SLCO3A1: variants seen among roughly 807,000 people sequenced by gnomAD.
The protein encoded by SLCO3A1 is solute carrier organic anion transporter family member 3A1, also known as PGE1 transporter.
In SLCO3A1, 27 loss-of-function variants were observed where a neutral mutation model predicts 63.1. The ratio of observed to expected loss-of-function variants is 0.43; its 90% CI spans 0.32 to 0.59. SLCO3A1 has a LOEUF of 0.59. Among genes scored for constraint, SLCO3A1 ranks in the 20% least tolerant of loss-of-function variants. The pLI, the probability that SLCO3A1 is intolerant of heterozygous loss-of-function variation, is 0.09. For synonymous variants in SLCO3A1, 473 were observed against 409.9 expected, an observed-to-expected ratio of 1.15 and a Z score of -1.86; for missense variants, 773 against 945.8, an observed-to-expected ratio of 0.82 and a Z score of 2.40.
intron 7 of SLCO3A1, among the ~76,000 whole-genome samples, chr15:92,130,701 C>T (rs925031849): frequency 3.9e-5 from 6 of 152,172 alleles, no homozygotes; most frequent in Non-Finnish European, 7.4e-5. Context: ...TGACCCATGG[C>T]AGCTTGGCCC....
chr15:91,960,729 C>T lies in SLCO3A1; in HGVS notation c.646+44271C>T, dbSNP rs74995085. 3.3e-5 allele frequency among the ~76,000 whole-genome samples: 5 copies of T among 152,276 alleles called. No individual in the cohort carries two copies. In the East Asian group the frequency reaches 9.7e-4, roughly 29 times the overall value. ...CTTCTTTGCTCATCCTACAGGTTGT[C>T]TCTTATCCAAAATGCTTGGGATGAG... On this transcript the variant is annotated intron_variant, in intron 2 of 9. Transcript: ENST00000318445.
chr15:91,974,302 C>T (rs1320119054), intron 2 of SLCO3A1, among the ~76,000 whole-genome samples: 1 of 82,418 alleles, frequency 1.2e-5, no homozygotes, highest in African/African-American at 5.1e-5. Context: ...ATTATTATTT[C>T]TCTAAGCCTT....
chr15:92,045,279 CAAA>C (rs11400205), intron 2 of SLCO3A1, among the ~76,000 whole-genome samples: 6 of 129,516 alleles, frequency 4.6e-5, no homozygotes, highest in Non-Finnish European at 3.2e-5. Context: ...GACTCCATCT[CAAA>C]AAAAAAAAAA....
intron 7 of SLCO3A1, among the ~76,000 whole-genome samples, chr15:92,144,685 G>A (rs1385485280): frequency 6.6e-6 from 1 of 152,252 alleles, no homozygotes; most frequent in Non-Finnish European, 1.5e-5. Context: ...TGCCTTCTGA[G>A]TCTCTCCCAG....
intron 2 of SLCO3A1, among the ~76,000 whole-genome samples, chr15:91,951,110 T>C (rs1176609180): frequency 3.3e-5 from 5 of 152,178 alleles, no homozygotes; most frequent in African/African-American, 1.2e-4. Flanking sequence ...CCCTTTTAAA[T>C]TGTAAAGTCC....
chr15:92,097,109 C>T (rs1201255402), intron 3 of SLCO3A1, among the ~76,000 whole-genome samples: 2 of 152,158 alleles, frequency 1.3e-5, no homozygotes, highest in African/African-American at 4.8e-5. Context: ...GGCCAGATAG[C>T]ATATTTTGCC....
chr15:92,066,238 A>C (rs369276855), intron 2 of SLCO3A1, among the ~76,000 whole-genome samples: 33 of 152,220 alleles, frequency 2.2e-4, no homozygotes, highest in African/African-American at 8.0e-4. Flanking sequence ...TAGAGAGGCC[A>C]AGCACTCATA....
downstream of SLCO3A1, among the ~76,000 whole-genome samples, chr15:92,167,308 C>CT (rs1367614152): frequency 6.6e-6 from 1 of 152,176 alleles, no homozygotes; most frequent in African/African-American, 2.4e-5. Context: ...GATTGACCTC[C>CT]TCTCAACCAT....
chr15:92,016,179 T>C (rs914618950), intron 2 of SLCO3A1, among the ~76,000 whole-genome samples: 2 of 140,232 alleles, frequency 1.4e-5, no homozygotes, highest in Non-Finnish European at 3.2e-5. Flanking sequence ...GTCTTGATGT[T>C]GCAGATTTGT....
intron 9 of SLCO3A1, among the ~76,000 whole-genome samples, chr15:92,153,134 C>G (rs1317409107): frequency 6.6e-6 from 1 of 152,088 alleles, no homozygotes; most frequent in Non-Finnish European, 1.5e-5. Context: ...CCAGGTATTA[C>G]CTAGAATAGT....
At chr15:91,995,699 GA>G in intron 2 of SLCO3A1, among the ~76,000 whole-genome samples, 1 of 96,080 alleles carries the variant, frequency 1.0e-5, no homozygotes, top group East Asian at 3.2e-4. Flanking sequence ...GACCCTGGAG[GA>G]AAAAAGTTAT....
At chr15:91,974,440 A>G (rs1265812005) in intron 2 of SLCO3A1, among the ~76,000 whole-genome samples, 2 of 152,258 alleles carry the variant, frequency 1.3e-5, no homozygotes, top group Non-Finnish European at 2.9e-5. Flanking sequence ...AGAGGAGGCA[A>G]CGGGCACCTT....
At chr15:92,120,025 G>T (rs1596118390) in intron 4 of SLCO3A1, among the ~76,000 whole-genome samples, 1 of 151,606 alleles carries the variant, frequency 6.6e-6, no homozygotes, top group East Asian at 1.9e-4. Flanking sequence ...CCATCAATAG[G>T]TATATTGACA....
At position 92,118,544 on chromosome 15, in the gene SLCO3A1, T is replaced by A. The variant is rs146856166; in HGVS notation, c.1010-1921T>A. 6.2e-4 allele frequency among the ~76,000 whole-genome samples: 95 copies of A among 152,344 alleles called. 1 individual carries two copies. The South Asian group carries it at 0.019, about 30-fold the overall frequency. ...GTCTGTTAACATTATTAAAAACTTA[T>A]GCATCCCCTATTATTATTTTATTCT... On this transcript the variant is annotated intron_variant, in intron 4 of 9. Coordinates refer to ENST00000318445, the MANE Select transcript of SLCO3A1 (RefSeq NM_013272.4).
intron 2 of SLCO3A1, among the ~76,000 whole-genome samples, chr15:92,020,532 A>G (rs2046496202): frequency 6.6e-6 from 1 of 152,140 alleles, no homozygotes; most frequent in African/African-American, 2.4e-5. Context: ...TTTTATTTTC[A>G]TTTTCCTACA....
intron 2 of SLCO3A1, among the ~76,000 whole-genome samples, chr15:92,011,672 A>G (rs2046370686): frequency 6.6e-6 from 1 of 152,086 alleles, no homozygotes; most frequent in Non-Finnish European, 1.5e-5. Flanking sequence ...TTATATTGTT[A>G]TTTACTGACT....
In SLCO3A1 at chr15:92,163,918, G is replaced by T; in HGVS notation, c.*783G>T. 1.0e-6 allele frequency: 1 copy of T among 985,570 alleles called. No homozygotes were observed. Among genetic ancestry groups the T allele is most frequent in the Non-Finnish European group, 1.2e-6 (1 of 830,018 alleles). 61.1% of individuals were successfully genotyped at this position (985,570 alleles called of 1,614,324 possible). ...ATCCACCTTCCCCCAGCCCCACAGA[G>T]TGACCTCAGGAAGCAGTAGGCCTCG... On this transcript the variant is annotated 3_prime_UTR_variant, in exon 10 of 10. Transcript: ENST00000318445.
chr15:92,123,199 T>C (rs1212060546), intron 5 of SLCO3A1, among the ~76,000 whole-genome samples: 2 of 151,972 alleles, frequency 1.3e-5, no homozygotes, highest in Admixed American at 6.6e-5. Flanking sequence ...CTGAGGTGGG[T>C]GGATCACCTG....
intron 2 of SLCO3A1, among the ~76,000 whole-genome samples, chr15:91,932,848 G>A (rs960507953): frequency 4.4e-4 from 67 of 152,172 alleles, no homozygotes; most frequent in African/African-American, 1.6e-3. Context: ...TTTCTTAGGG[G>A]CACTGATCTT....
Sources: gnomAD v4.1 joint callset for allele counts (sites outside exome capture counted in the v4.1 genomes callset) on GRCh38, gnomAD v4.1.1 for gene constraint, MANE v1.5 for transcripts, NCBI Gene and HGNC (gene_info 2026-07-23, HGNC 2026-07-21) for gene names.